The following ABHD8 variants were observed in gnomAD, a reference collection of about 807,000 sequenced individuals.
ABHD8 encodes abhydrolase domain containing 8, also known as protein ABHD8.
A neutral mutation model predicts 29.3 loss-of-function variants in ABHD8; 10 were observed. That is an observed-to-expected ratio of 0.34 (90% CI 0.21 to 0.58). The LOEUF (loss-of-function observed/expected upper bound fraction) is 0.58. ABHD8 is among the 20% of genes least tolerant of loss of function. ABHD8 has a pLI of 0.85. For synonymous variants in ABHD8, 282 were observed against 274.6 expected (o/e 1.03, Z -0.27); for missense variants, 556 against 615.3 (o/e 0.90, Z 1.02).
intron 4 of ABHD8, among the ~76,000 whole-genome samples, chr19:17,293,118 C>CA (rs2074078439): frequency 7.4e-6 from 1 of 134,874 alleles, no homozygotes; most frequent in Non-Finnish European, 1.6e-5. Context: ...TTTTTTGAGA[C>CA]AGAGTCTTGC....
At chr19:17,298,662 A>C (rs2074103485) in intron 2 of ABHD8, among the ~76,000 whole-genome samples, 2 of 151,992 alleles carry the variant, frequency 1.3e-5, no homozygotes, top group Non-Finnish European at 2.9e-5. Context: ...GGATGCTACT[A>C]AACATCCTAT....
At chr19:17,297,375 A>C (rs1324477035) in intron 2 of ABHD8, among the ~76,000 whole-genome samples, 1 of 151,936 alleles carries the variant, frequency 6.6e-6, no homozygotes, top group Non-Finnish European at 1.5e-5. Context: ...GGCTCACTGC[A>C]ACCCCCACCT....
chr19:17,300,761 A>T, intron 2 of ABHD8, 95 bp downstream of exon 2: 1 of 1,444,592 alleles, frequency 6.9e-7, no homozygotes, highest in East Asian at 2.3e-5. Flanking sequence ...TACAGGCGTG[A>T]GCCACGGGGC....
rs1165212243 is a variant in ABHD8, at chr19:17,300,875, G to A, written c.742C>T (p.Leu248Phe). 1 of 1,597,650 alleles carries A rather than the reference G, an allele frequency of 6.3e-7. No homozygotes were observed. The highest frequency in any genetic ancestry group is 8.6e-7 in the Non-Finnish European group (1 of 1,168,156). Residue 248 changes from leucine (L) to phenylalanine (F), a missense_variant, in exon 2 of 5, where the codon CTC (leucine) becomes TTC (phenylalanine). By Grantham distance (22) the Leu-to-Phe change is conservative. Coordinates refer to ENST00000247706, the MANE Select transcript of ABHD8 (RefSeq NM_024527.5). ...FKRYAKKRNV[L>F]IGHSYGVSFC... ...ACTTACCCGTAGGAATGGCCAATGAGCACATTTCGCTTCTTGGCATAGCGC... is the reference window on the plus strand; with the variant it reads ...ACTTACCCGTAGGAATGGCCAATGAACACATTTCGCTTCTTGGCATAGCGC...
Position 17,292,247 on chromosome 19 carries a change from G to T in ABHD8, c.*414C>A, listed in dbSNP as rs2074073433. 1 of 277,902 alleles carries T rather than the reference G, an allele frequency of 3.6e-6. No homozygotes were observed. The highest frequency in any genetic ancestry group is 1.4e-4 in the South Asian group (1 of 7,386). 17.2% of individuals were successfully genotyped at this position (277,902 alleles called of 1,614,324 possible). On this transcript the variant is annotated 3_prime_UTR_variant, in exon 5 of 5. Transcript: ENST00000247706. ...AGCTCCCAGCGCCGAGGAATGGGGGGTAGGAAGGGTCTCGGATAACGGGAT... is the reference window on the plus strand; with the variant it reads ...AGCTCCCAGCGCCGAGGAATGGGGGTTAGGAAGGGTCTCGGATAACGGGAT...
chr19:17,292,981 G>T (rs761735033), intron 4 of ABHD8, 150 bp from the exon 5 acceptor site: 4 of 855,776 alleles, frequency 4.7e-6, no homozygotes, highest in Non-Finnish European at 6.8e-6. Flanking sequence ...CACTCAAGGG[G>T]GAGCTGGAGG....
In ABHD8 at chr19:17,292,721, G is replaced by C. The variant is rs769241582; in HGVS notation, c.1260C>G (p.Pro420=). 3.1e-6 allele frequency: 5 copies of C among 1,613,632 alleles called. No individual in the cohort carries two copies. The highest frequency in any genetic ancestry group is 3.3e-5 in the Admixed American group (2 of 59,988). Residue 420 remains proline (P), a synonymous_variant, in exon 5 of 5, where the codon CCC becomes CCG. Coordinates refer to ENST00000247706, the MANE Select transcript of ABHD8 (RefSeq NM_024527.5). The part of the protein sequence containing the change: ...TLLHEFLLWE[P]EPSPKALPEP... Reference sequence around the variant, plus strand: ...CCGGTAGAGCCTTGGGCGAGGGCTCGGGCTCCCAGAGCAGGAATTCGTGGA... The same window carrying C: ...CCGGTAGAGCCTTGGGCGAGGGCTCCGGCTCCCAGAGCAGGAATTCGTGGA...
intron 1 of ABHD8, 22 bp downstream of exon 1, chr19:17,303,220 T>C (rs1367274984): frequency 1.3e-5 from 2 of 152,150 alleles, no homozygotes; most frequent in Non-Finnish European, 2.9e-5. Context: ...ATCTCTCCTT[T>C]TGGGGCCCGT....
At chr19:17,299,347 G>A (rs2074107253) in intron 2 of ABHD8, among the ~76,000 whole-genome samples, 1 of 151,620 alleles carries the variant, frequency 6.6e-6, no homozygotes, top group African/African-American at 2.4e-5. Context: ...GAATCACGAG[G>A]TCAGGAGATC....
intron 2 of ABHD8, among the ~76,000 whole-genome samples, chr19:17,295,170 A>G (rs2074088486): frequency 1.4e-5 from 2 of 141,126 alleles, no homozygotes; most frequent in South Asian, 2.3e-4. Flanking sequence ...CAGTGGCGCA[A>G]TCTCGGCTCA....
rs1298385563 is a variant in ABHD8 at position 17,294,629 on chromosome 19, G to A, written c.932+46C>T. On this transcript the variant is annotated intron_variant, in intron 3 of 4. Transcript: ENST00000247706. The stretch of plus-strand genomic sequence containing the variant: ...CCCATCCAACTCGAGCAGATGCCTG[G>A]GTTCGCCAGGGCCAGGATCACGGTC... 8.7e-6 allele frequency: 14 copies of A among 1,608,986 alleles called. No individual in the cohort carries two copies. The South Asian group carries it at 1.2e-4, about 14-fold the overall frequency.
intron 4 of ABHD8, 27 bp from the exon 5 acceptor site, chr19:17,292,858 G>A (rs745467606): frequency 1.9e-5 from 30 of 1,601,708 alleles, no homozygotes; most frequent in Non-Finnish European, 2.4e-5. Context: ...GCTCAAGGTA[G>A]GCGGGGGCAA....
chr19:17,292,915 A>C (rs2074077511), intron 4 of ABHD8, 84 bp from the exon 5 acceptor site: 1 of 1,443,190 alleles, frequency 6.9e-7, no homozygotes, highest in Non-Finnish European at 9.4e-7. Flanking sequence ...CCATACACAC[A>C]TGGCCCACAG....
chr19:17,292,553 C>G lies in ABHD8; in HGVS notation c.*108G>C. On this transcript the variant is annotated 3_prime_UTR_variant, in exon 5 of 5. Transcript: ENST00000247706. Reference sequence around the variant, plus strand: ...CGTCTCCCTGACCTGGCCCCGCCCACCGGAGCGAACGGCCCGCCCAGGTGG... The same window carrying G: ...CGTCTCCCTGACCTGGCCCCGCCCAGCGGAGCGAACGGCCCGCCCAGGTGG... 1 of 1,308,996 alleles carries G rather than the reference C, an allele frequency of 7.6e-7. No individual in the cohort carries two copies. The highest frequency in any genetic ancestry group is 1.0e-6 in the Non-Finnish European group (1 of 1,000,094). 81.1% of individuals were successfully genotyped at this position (1,308,996 alleles called of 1,614,324 possible). A position where few individuals can be genotyped will look rare whatever the true frequency, so the allele number is the denominator to read the frequency against.
chr19:17,301,449 G>T lies in ABHD8; in HGVS notation c.168C>A (p.Ala56=). ...AGGATGCGGATGATGGTGGAGGTGG[G>T]GCAGCGGCTGGGGCGGGTCCTGCAT... ...VKHAGPAPAA[A]PPPPSSASSD... is the part of the protein sequence containing the mutation. Residue 56 remains alanine, a synonymous_variant, in exon 2 of 5, where the codon GCC becomes GCA. Coordinates refer to ENST00000247706, the MANE Select transcript of ABHD8 (RefSeq NM_024527.5). The T allele has an allele frequency of 6.2e-7, 1 of 1,611,988 alleles. No individual in the cohort carries two copies. The highest frequency in any genetic ancestry group is 2.2e-5 in the East Asian group (1 of 44,868).
chr19:17,292,495 C>T lies in ABHD8; in HGVS notation c.*166G>A, dbSNP rs1159703335. ...GAGCGGAATGTCCGCTGGGCTCCCTCGGATGCCACGCCCCGCCCAGGCAGC... is the reference window on the plus strand; with the variant it reads ...GAGCGGAATGTCCGCTGGGCTCCCTTGGATGCCACGCCCCGCCCAGGCAGC... On this transcript the variant is annotated 3_prime_UTR_variant, in exon 5 of 5. Transcript: ENST00000247706. 3.7e-6 allele frequency: 3 copies of T among 803,968 alleles called. No individual in the cohort carries two copies. Among genetic ancestry groups the T allele is most frequent in the Non-Finnish European group, 5.4e-6 (3 of 550,664 alleles). 49.8% of individuals were successfully genotyped at this position (803,968 alleles called of 1,614,324 possible). A position where few individuals can be genotyped will look rare whatever the true frequency, so the allele number is the denominator to read the frequency against.
In ABHD8 at chr19:17,303,263, C is replaced by G. The variant is rs945185801; in HGVS notation, c.-30G>C. On this transcript the variant is annotated 5_prime_UTR_variant, in exon 1 of 5. Coordinates refer to ENST00000247706, the MANE Select transcript of ABHD8 (RefSeq NM_024527.5). The stretch of plus-strand genomic sequence containing the variant: ...TCACCTCATCGAGGGCCGCGGGGCC[C>G]GGGTCGGGGCGGAGGGGTCCCAGGC... 2 of 152,278 alleles carry G rather than the reference C, an allele frequency of 1.3e-5. No individual in the cohort carries two copies. The highest frequency in any genetic ancestry group is 2.9e-5 in the Non-Finnish European group (2 of 68,072). The allele number at this position is 152,278 out of a possible 1,614,324, so 9.4% of individuals were successfully genotyped here.
At chr19:17,298,669 C>A (rs749836481) in intron 2 of ABHD8, among the ~76,000 whole-genome samples, 20 of 151,054 alleles carry the variant, frequency 1.3e-4, no homozygotes, top group Non-Finnish European at 1.9e-4. Context: ...ACTAAACATC[C>A]TATAGCCCCT....
rs745919339 is a variant in ABHD8, at chr19:17,294,324, C to G, written c.1113G>C (p.Lys371Asn). 1 of 1,610,942 alleles carries G rather than the reference C, an allele frequency of 6.2e-7. No homozygotes were observed. Among genetic ancestry groups the G allele is most frequent in the Non-Finnish European group, 8.5e-7 (1 of 1,179,936 alleles). ...GCTGGTCTTCCTCCACCGGCACAAA[C>G]TTATCGTGCATGCCGTGGACAAGCA... Reference protein sequence around the residue: ...PVLLVHGMHDKFVPVEEDQRM... With the variant: ...PVLLVHGMHDNFVPVEEDQRM... The change falls in exon 4 of 5, where the codon AAG becomes AAC. Residue 371 changes from lysine (K) to asparagine (N), a missense_variant. Lys to Asn is a moderately conservative substitution (Grantham distance 94). Around this residue, in one of 2 missense-constraint regions of ABHD8, gnomAD observed 270 missense variants for 353.9 expected, o/e 0.76. Transcript: ENST00000247706.
Sources: gnomAD v4.1 joint callset for allele counts (sites outside exome capture counted in the v4.1 genomes callset) on GRCh38, gnomAD v4.1.1 for gene constraint, gnomAD v4.1.1 regional missense constraint, MANE v1.5 for transcripts, NCBI Gene and HGNC (gene_info 2026-07-23, HGNC 2026-07-21) for gene names.